EBF2: variants seen among roughly 807,000 people sequenced by gnomAD.
EBF2 encodes the protein transcription factor COE2.
In EBF2, 21 loss-of-function variants were observed where a neutral mutation model predicts 72.8. The observed-to-expected ratio is 0.29, with a 90% CI of 0.20 to 0.42. EBF2 has a LOEUF of 0.42. EBF2 is among the 10% of genes least tolerant of loss of function. EBF2 has a pLI of 1.00. For synonymous variants in EBF2, 299 were observed against 274.2 expected, an observed-to-expected ratio of 1.09 and a Z score of -0.89; for missense variants, 637 against 731.2, an observed-to-expected ratio of 0.87 and a Z score of 1.49.
intron 6 of EBF2, among the ~76,000 whole-genome samples, chr8:26,002,025 T>G (rs892794352): frequency 6.6e-6 from 1 of 152,166 alleles, no homozygotes; most frequent in Non-Finnish European, 1.5e-5. Flanking sequence ...GAGAGCTTCC[T>G]TTTCTGAGGC....
intron 7 of EBF2, among the ~76,000 whole-genome samples, chr8:25,902,981 G>C (rs1342016016): frequency 6.6e-6 from 1 of 152,220 alleles, no homozygotes; most frequent in Admixed American, 6.5e-5. Flanking sequence ...CAGAGGCTGA[G>C]TGGCCTTCTC....
In EBF2 at chr8:26,005,532, T is replaced by TATA. The variant is rs1554480962; in HGVS notation, c.551+27550_551+27552dup. On this transcript the variant is annotated intron_variant, in intron 6 of 15. Coordinates refer to ENST00000520164, the MANE Select transcript of EBF2 (RefSeq NM_022659.4). ...ATATATTATAAAATATATTATATAT[T>TATA]ATATATATTTTATATATATATATAT... Among the ~76,000 whole-genome samples, 268 of 64,558 alleles carry TATA rather than the reference T, an allele frequency of 4.2e-3. 1 individual carries two copies. The highest frequency in any genetic ancestry group is 6.0e-3 in the Non-Finnish European group (214 of 35,892). The allele number at this position is 64,558 out of a possible 152,430, so 42.4% of individuals were successfully genotyped here.
chr8:25,989,264 T>C (rs1290706495), intron 6 of EBF2, among the ~76,000 whole-genome samples: 1 of 152,236 alleles, frequency 6.6e-6, no homozygotes, highest in Non-Finnish European at 1.5e-5. Flanking sequence ...GGCCCTTCTC[T>C]GCTGGGTGTT....
At chr8:26,021,536 G>C (rs1228980980) in intron 6 of EBF2, among the ~76,000 whole-genome samples, 1 of 152,136 alleles carries the variant, frequency 6.6e-6, no homozygotes, top group Non-Finnish European at 1.5e-5. Context: ...GATTCAGATA[G>C]GTTTGCCAGA....
intron 7 of EBF2, among the ~76,000 whole-genome samples, chr8:25,898,004 C>T (rs974833434): frequency 1.3e-5 from 2 of 152,144 alleles, no homozygotes; most frequent in African/African-American, 4.8e-5. Context: ...TATTGAGACC[C>T]CTAGGCGCTC....
chr8:25,967,846 C>T lies in EBF2; in HGVS notation c.552-59291G>A, dbSNP rs141849371. ...ATCTCTCAGCCTCAGGACACTCACA[C>T]GTAAAACAAGGGTAAGAATAGAACC... On this transcript the variant is annotated intron_variant, in intron 6 of 15. Coordinates refer to ENST00000520164, the MANE Select transcript of EBF2 (RefSeq NM_022659.4). Among the ~76,000 whole-genome samples the T allele has an allele frequency of 8.9e-3, 1,354 of 152,216 alleles. 83 individuals are homozygous for T. Among genetic ancestry groups the T allele is most frequent in the Admixed American group, 0.067 (1,031 of 15,284 alleles).
chr8:25,854,524 G>C (rs1020613255), intron 14 of EBF2, among the ~76,000 whole-genome samples: 22 of 152,126 alleles, frequency 1.4e-4, no homozygotes, highest in Admixed American at 2.6e-4. Context: ...ATCTATCCAT[G>C]ACTGAAAGGC....
chr8:26,035,451 C>G (rs1805485518), intron 5 of EBF2, among the ~76,000 whole-genome samples: 1 of 152,156 alleles, frequency 6.6e-6, no homozygotes, highest in East Asian at 1.9e-4. Context: ...TGCCAAGCCC[C>G]AGTCCTAGCT....
chr8:25,900,106 T>A (rs1802926788), intron 7 of EBF2, among the ~76,000 whole-genome samples: 1 of 152,146 alleles, frequency 6.6e-6, no homozygotes, highest in East Asian at 1.9e-4. Context: ...TGGAACCAAC[T>A]CAGCACTGAA....
intron 6 of EBF2, among the ~76,000 whole-genome samples, chr8:26,005,880 A>G (rs1489727726): frequency 2.0e-5 from 3 of 151,788 alleles, no homozygotes; most frequent in African/African-American, 7.3e-5. Context: ...CATGCTTTGA[A>G]GCACTGACTT....
chr8:25,919,034 G>T (rs370089402), intron 6 of EBF2, among the ~76,000 whole-genome samples: 85 of 152,172 alleles, frequency 5.6e-4, no homozygotes, highest in African/African-American at 2.0e-3. Flanking sequence ...TCCATCTAGT[G>T]GAAACAATTA....
At chr8:25,970,271 G>A (rs542427694) in intron 6 of EBF2, among the ~76,000 whole-genome samples, 54 of 152,272 alleles carry the variant, frequency 3.5e-4, no homozygotes, top group African/African-American at 1.2e-3. Context: ...GTACCAAAGC[G>A]TAAGTGAAAG....
intron 6 of EBF2, among the ~76,000 whole-genome samples, chr8:25,981,827 T>C (rs1303498864): frequency 6.6e-6 from 1 of 151,628 alleles, no homozygotes; most frequent in African/African-American, 2.4e-5. Flanking sequence ...TAGTTATTCA[T>C]CCAGCAAAAC....
intron 6 of EBF2, among the ~76,000 whole-genome samples, chr8:25,934,343 C>T (rs142280296): frequency 1.1e-4 from 16 of 151,984 alleles, no homozygotes; most frequent in Non-Finnish European, 1.9e-4. Context: ...TTTAGAAAGA[C>T]GGATTTCCCT....
At chr8:26,016,895 A>G (rs901708990) in intron 6 of EBF2, among the ~76,000 whole-genome samples, 8 of 152,230 alleles carry the variant, frequency 5.3e-5, no homozygotes, top group African/African-American at 1.9e-4. Context: ...ATCACCATTC[A>G]GCACATTTAG....
intron 6 of EBF2, among the ~76,000 whole-genome samples, chr8:25,914,385 A>G (rs1803176886): frequency 6.6e-6 from 1 of 152,190 alleles, no homozygotes; most frequent in Non-Finnish European, 1.5e-5. Context: ...GGGAAGGTGA[A>G]GGTTAGCAGT....
chr8:25,881,662 C>CCTAA (rs1235131396), intron 10 of EBF2, among the ~76,000 whole-genome samples: 2 of 152,202 alleles, frequency 1.3e-5, no homozygotes, highest in African/African-American at 4.8e-5. Flanking sequence ...TGCCCATGGA[C>CCTAA]CTAAGTTAGG....
chr8:25,921,399 A>T (rs1310330704), intron 6 of EBF2, among the ~76,000 whole-genome samples: 1 of 152,226 alleles, frequency 6.6e-6, no homozygotes, highest in African/African-American at 2.4e-5. Context: ...AATTTGATAC[A>T]AAAGGCATTC....
chr8:25,975,166 A>C (rs1233807589), intron 6 of EBF2, among the ~76,000 whole-genome samples: 1 of 152,228 alleles, frequency 6.6e-6, no homozygotes, highest in East Asian at 1.9e-4. Context: ...CTGTTAACCC[A>C]GGAACTACTG....
Sources: allele counts gnomAD v4.1 joint callset (sites outside exome capture counted in the v4.1 genomes callset), GRCh38; gene constraint gnomAD v4.1.1; transcripts MANE v1.5; gene names NCBI Gene and HGNC (gene_info 2026-07-23, HGNC 2026-07-21).